NFAM1: variants seen among roughly 807,000 people sequenced by gnomAD.
NFAM1 encodes the protein NFAT activating protein with ITAM motif 1.
Under a neutral mutation model 29.0 loss-of-function variants are expected in NFAM1, and 17 were observed. That is an observed-to-expected ratio of 0.59 (90% CI 0.40 to 0.88). The LOEUF (loss-of-function observed/expected upper bound fraction) is 0.88, where lower values mean the gene tolerates loss of function less well. Among genes scored for constraint, NFAM1 ranks in the 40% least tolerant of loss-of-function variants. The pLI, the probability that NFAM1 is intolerant of heterozygous loss-of-function variation, is 0.00. For missense variants in NFAM1, 324 were observed against 344.6 expected (o/e 0.94, Z 0.47); for synonymous variants, 175 against 147.2 (o/e 1.19, Z -1.36).
intron 4 of NFAM1, among the ~76,000 whole-genome samples, chr22:42,389,521 C>T (rs1308876849): frequency 1.3e-5 from 2 of 152,128 alleles, no homozygotes; most frequent in Non-Finnish European, 2.9e-5. Flanking sequence ...CCTGAACCAT[C>T]CCCTCCTGGC....
intron 1 of NFAM1, among the ~76,000 whole-genome samples, chr22:42,412,641 C>T (rs1930133888): frequency 6.6e-6 from 1 of 152,172 alleles, no homozygotes; most frequent in Non-Finnish European, 1.5e-5. Flanking sequence ...ATAAAGAAAC[C>T]CAAGCGTTTC....
intron 1 of NFAM1, among the ~76,000 whole-genome samples, chr22:42,427,285 T>C (rs1930654465): frequency 6.6e-6 from 1 of 152,056 alleles, no homozygotes; most frequent in South Asian, 2.1e-4. Flanking sequence ...CTCCCTCCCA[T>C]TCACTACACA....
intron 3 of NFAM1, among the ~76,000 whole-genome samples, chr22:42,403,759 G>A (rs915679279): frequency 2.0e-5 from 3 of 152,212 alleles, no homozygotes; most frequent in African/African-American, 4.8e-5. Flanking sequence ...AGAGGCACCC[G>A]GCCTCACACA....
At chr22:42,416,170 C>T (rs907064377) in intron 1 of NFAM1, among the ~76,000 whole-genome samples, 2 of 152,180 alleles carry the variant, frequency 1.3e-5, no homozygotes, top group African/African-American at 4.8e-5. Flanking sequence ...CTATTGCAAC[C>T]GCGTTCTGGA....
At chr22:42,433,957 C>A (rs1379331922), upstream of NFAM1, among the ~76,000 whole-genome samples, 1 of 152,184 alleles carries the variant, frequency 6.6e-6, no homozygotes, top group Non-Finnish European at 1.5e-5. Flanking sequence ...CTACAAGTCT[C>A]ATTACGACTT....
chr22:42,435,086 C>T (rs8138607), upstream of NFAM1, among the ~76,000 whole-genome samples: 696 of 152,350 alleles, frequency 4.6e-3, 8 homozygotes, highest in Non-Finnish European at 8.5e-3. Context: ...TCCAGGGGAC[C>T]TGCTCTCCTT....
chr22:42,411,339 A>G (rs2147108529), intron 2 of NFAM1, 68 bp downstream of exon 2: 1 of 1,279,432 alleles, frequency 7.8e-7, no homozygotes, highest in Non-Finnish European at 1.1e-6. Context: ...TTTCCGATCC[A>G]AAGTCCCAAA....
chr22:42,417,882 G>A (rs1306291447), intron 1 of NFAM1, among the ~76,000 whole-genome samples: 2 of 152,132 alleles, frequency 1.3e-5, no homozygotes, highest in South Asian at 2.1e-4. Flanking sequence ...CCCCGTCCCC[G>A]GGCTTGGCTG....
intron 1 of NFAM1, among the ~76,000 whole-genome samples, chr22:42,429,083 G>A (rs1426832761): frequency 6.6e-6 from 1 of 152,316 alleles, no homozygotes; most frequent in African/African-American, 2.4e-5. Context: ...CTGGGAGCAG[G>A]AGCAGGTACC....
intron 1 of NFAM1, among the ~76,000 whole-genome samples, chr22:42,412,763 G>C (rs1277423705): frequency 6.6e-6 from 1 of 152,212 alleles, no homozygotes; most frequent in East Asian, 1.9e-4. Flanking sequence ...TGGGCTCGGA[G>C]AGGATTTGTC....
At chr22:42,422,467 A>G (rs953409368) in intron 1 of NFAM1, among the ~76,000 whole-genome samples, 2 of 152,020 alleles carry the variant, frequency 1.3e-5, no homozygotes, top group Non-Finnish European at 2.9e-5. Flanking sequence ...TTAGCTGGGC[A>G]TGGTGGCACG....
At chr22:42,391,825 A>C (rs1929352196) in intron 4 of NFAM1, among the ~76,000 whole-genome samples, 1 of 151,710 alleles carries the variant, frequency 6.6e-6, no homozygotes, top group African/African-American at 2.4e-5. Context: ...CGCACCTGTA[A>C]TCCCAGCTAC....
chr22:42,416,208 C>T (rs1391649364), intron 1 of NFAM1, among the ~76,000 whole-genome samples: 1 of 152,318 alleles, frequency 6.6e-6, no homozygotes, highest in Admixed American at 6.5e-5. Flanking sequence ...TGGTGGCACA[C>T]GCCTGTAGTT....
At chr22:42,421,030 C>T (rs1930426808) in intron 1 of NFAM1, among the ~76,000 whole-genome samples, 1 of 152,164 alleles carries the variant, frequency 6.6e-6, no homozygotes, top group Non-Finnish European at 1.5e-5. Context: ...ACCCCCGAGC[C>T]CTCTACAGGC....
rs1285564297 is a variant in NFAM1 at position 42,409,956 on chromosome 22, C to A, written c.452-409G>T. Among the ~76,000 whole-genome samples the A allele has an allele frequency of 6.6e-6, 1 of 152,196 alleles. No homozygotes were observed. The highest frequency in any genetic ancestry group is 1.5e-5 in the Non-Finnish European group (1 of 68,014). On this transcript the variant is annotated intron_variant, in intron 2 of 5. Transcript: ENST00000329021. This position sits in a 1 kb window ranked among gnomAD's most constrained non-coding sequence, Gnocchi z 4.9. ...GGACTGACAGGGGGCTGCACCCAGG[C>A]TAGGTGAGGCCCAGCCCTCCTACCC... is the stretch of plus-strand genomic sequence containing the variant.
intron 5 of NFAM1, among the ~76,000 whole-genome samples, chr22:42,386,400 C>A (rs1475860746): frequency 2.1e-5 from 3 of 144,502 alleles, no homozygotes; most frequent in Non-Finnish European, 3.0e-5. Flanking sequence ...CAAACAAACA[C>A]ACACACACAC....
Position 42,382,241 on chromosome 22 carries a change from A to T in NFAM1, c.*2920T>A, listed in dbSNP as rs1290397515. The T allele has an allele frequency of 6.6e-6, 1 of 152,226 alleles. No homozygotes were observed. The highest frequency in any genetic ancestry group is 1.5e-5 in the Non-Finnish European group (1 of 68,096). 9.4% of individuals were successfully genotyped at this position (152,226 alleles called of 1,614,324 possible). A position where few individuals can be genotyped will look rare whatever the true frequency, so the allele number is the denominator to read the frequency against. Reference sequence around the variant, plus strand: ...AGGCTAATTTTTGTATTTTTAGTAGAGACGGGGTTTCACCACGTTGGCCAG... The same window carrying T: ...AGGCTAATTTTTGTATTTTTAGTAGTGACGGGGTTTCACCACGTTGGCCAG... On this transcript the variant is annotated 3_prime_UTR_variant, in exon 6 of 6. Coordinates refer to ENST00000329021, the MANE Select transcript of NFAM1 (RefSeq NM_145912.8).
At chr22:42,423,465 A>G (rs2081173132) in intron 1 of NFAM1, among the ~76,000 whole-genome samples, 1 of 152,210 alleles carries the variant, frequency 6.6e-6, no homozygotes, top group Non-Finnish European at 1.5e-5. Flanking sequence ...AAAAATGCCC[A>G]GCATTTTCGG....
intron 3 of NFAM1, among the ~76,000 whole-genome samples, chr22:42,401,351 A>G (rs1929720434): frequency 6.6e-6 from 1 of 152,202 alleles, no homozygotes; most frequent in Non-Finnish European, 1.5e-5. Flanking sequence ...GGGCCACGAA[A>G]GGCCAAATGC....
Sources: gnomAD v4.1 joint callset for allele counts (sites outside exome capture counted in the v4.1 genomes callset) on GRCh38, gnomAD v4.1.1 for gene constraint, Gnocchi (gnomAD v3.1) non-coding constraint, MANE v1.5 for transcripts, NCBI Gene and HGNC (gene_info 2026-07-23, HGNC 2026-07-21) for gene names.